The following MBNL1 variants were observed in gnomAD, a reference collection of about 807,000 sequenced individuals.
The protein encoded by MBNL1 is muscleblind like splicing regulator 1.
Under a neutral mutation model 42.2 loss-of-function variants are expected in MBNL1, and 8 were observed. The observed-to-expected ratio is 0.19, with a 90% CI of 0.11 to 0.34. The LOEUF (loss-of-function observed/expected upper bound fraction) is 0.34. Among genes scored for constraint, MBNL1 ranks in the 10% least tolerant of loss-of-function variants. The pLI is 1.00. For synonymous variants in MBNL1, 169 were observed against 173.9 expected (o/e 0.97, Z 0.22); for missense variants, 309 against 495.3 (o/e 0.62, Z 3.57).
chr3:152,310,328 T>G (rs1038235268), intron 2 of MBNL1, among the ~76,000 whole-genome samples: 2 of 152,178 alleles, frequency 1.3e-5, no homozygotes, highest in Non-Finnish European at 2.9e-5. Flanking sequence ...TTATATAAAC[T>G]AAAGAAGCTA....
At chr3:152,297,318 A>T (rs2059007024) in intron 1 of MBNL1, among the ~76,000 whole-genome samples, 1 of 150,080 alleles carries the variant, frequency 6.7e-6, no homozygotes. Context: ...TGAAAACCAA[A>T]ATATTTCTTG....
chr3:152,414,061 C>T (rs956332260), intron 2 of MBNL1, among the ~76,000 whole-genome samples: 1 of 152,096 alleles, frequency 6.6e-6, no homozygotes, highest in South Asian at 2.1e-4. Context: ...GATTACTAAA[C>T]ATGTATGATT....
At position 152,465,146 on chromosome 3, in the gene MBNL1, A is replaced by G. The variant is rs1749827491; in HGVS notation, c.*2780A>G. The G allele has an allele frequency of 6.6e-6, 1 of 152,302 alleles. No homozygotes were observed. The highest frequency in any genetic ancestry group is 6.5e-5 in the Admixed American group (1 of 15,284). The allele number at this position is 152,302 out of a possible 1,614,324, so 9.4% of individuals were successfully genotyped here. A position where few individuals can be genotyped will look rare whatever the true frequency, so the allele number is the denominator to read the frequency against. The stretch of plus-strand genomic sequence containing the variant: ...CAGGTACTTCTACCATTAAGGTGAA[A>G]TCATGGATCAGATATTCCTTACATT... On this transcript the variant is annotated 3_prime_UTR_variant, in exon 10 of 10. Coordinates refer to ENST00000324210, the MANE Select transcript of MBNL1 (RefSeq NM_021038.5).
At chr3:152,340,007 C>T (rs2092696236) in intron 2 of MBNL1, 1 of 152,224 alleles carries the variant, frequency 6.6e-6, no homozygotes, top group Non-Finnish European at 1.5e-5. Context: ...TACCTATAGA[C>T]ACAGAAAGAG....
chr3:152,405,701 T>C (rs1286300080), intron 2 of MBNL1, among the ~76,000 whole-genome samples: 1 of 152,130 alleles, frequency 6.6e-6, no homozygotes, highest in Non-Finnish European at 1.5e-5. Context: ...CTCTAGAAAT[T>C]TAATAGAGAC....
chr3:152,430,698 G>A (rs1163939533), intron 3 of MBNL1, among the ~76,000 whole-genome samples: 2 of 152,196 alleles, frequency 1.3e-5, no homozygotes, highest in African/African-American at 4.8e-5. Context: ...GTGGACAGTG[G>A]CACAGCATTA....
At chr3:152,384,524 C>T (rs75780443) in intron 2 of MBNL1, among the ~76,000 whole-genome samples, 1,723 of 152,060 alleles carry the variant, frequency 0.011, 14 homozygotes, top group Non-Finnish European at 0.015. Context: ...GGTTTAATGA[C>T]AATACTATAG....
At chr3:152,281,568 C>CT (rs1303809320) in intron 1 of MBNL1, among the ~76,000 whole-genome samples, 1 of 152,056 alleles carries the variant, frequency 6.6e-6, no homozygotes, top group Non-Finnish European at 1.5e-5. Context: ...ACCTAATACC[C>CT]TCTGCCCCAG....
At chr3:152,351,600 C>T (rs2094996721) in intron 2 of MBNL1, among the ~76,000 whole-genome samples, 1 of 152,058 alleles carries the variant, frequency 6.6e-6, no homozygotes, top group South Asian at 2.1e-4. Flanking sequence ...TTTTTAAACA[C>T]CTTTTTATGT....
intron 2 of MBNL1, among the ~76,000 whole-genome samples, chr3:152,375,725 G>T (rs1040028230): frequency 1.3e-5 from 2 of 151,970 alleles, no homozygotes; most frequent in Non-Finnish European, 1.5e-5. Context: ...AGTCTGAGGT[G>T]GGGGGATTGC....
chr3:152,343,068 C>T (rs1315437098), intron 2 of MBNL1, among the ~76,000 whole-genome samples: 1 of 152,106 alleles, frequency 6.6e-6, no homozygotes. Flanking sequence ...ATCCATTTAA[C>T]CTCTCTGAAA....
chr3:152,358,888 G>A (rs930249485), intron 2 of MBNL1, among the ~76,000 whole-genome samples: 2 of 152,122 alleles, frequency 1.3e-5, no homozygotes, highest in Admixed American at 6.6e-5. Flanking sequence ...GGAATTACAG[G>A]TATGAGCCAC....
chr3:152,336,663 A>G (rs1260467392), intron 2 of MBNL1, among the ~76,000 whole-genome samples: 1 of 152,216 alleles, frequency 6.6e-6, no homozygotes, highest in African/African-American at 2.4e-5. Flanking sequence ...TCATTTTATA[A>G]CAATGTCTAA....
chr3:152,443,061 C>T (rs753560028), intron 4 of MBNL1, among the ~76,000 whole-genome samples: 19 of 152,012 alleles, frequency 1.2e-4, no homozygotes, highest in Non-Finnish European at 2.6e-4. Context: ...TTTTATGACA[C>T]ATTCTGAGCT....
At chr3:152,313,811 C>G (rs975647682) in intron 2 of MBNL1, among the ~76,000 whole-genome samples, 2 of 152,084 alleles carry the variant, frequency 1.3e-5, no homozygotes, top group African/African-American at 4.8e-5. Flanking sequence ...AGAAAATAAC[C>G]CCTTAACCTC....
chr3:152,274,383 CAAAA>C (rs1306780362), intron 1 of MBNL1, among the ~76,000 whole-genome samples: 4 of 151,732 alleles, frequency 2.6e-5, no homozygotes, highest in Non-Finnish European at 4.4e-5. Flanking sequence ...ACGTTGTCCT[CAAAA>C]AAATAAGAAT....
intron 1 of MBNL1, among the ~76,000 whole-genome samples, chr3:152,284,417 A>G (rs1036533365): frequency 6.6e-6 from 1 of 152,120 alleles, no homozygotes; most frequent in African/African-American, 2.4e-5. Context: ...AAAGTAACCA[A>G]TATTAATAGA....
rs116761788 is a variant in MBNL1 at position 152,281,884 on chromosome 3, C to G, written c.-790+12792C>G. ...ATTGAAAATTTAATAGCTCTACATTCACTTGGAGATTTCCGATAAACTTTT... is the reference window on the plus strand; with the variant it reads ...ATTGAAAATTTAATAGCTCTACATTGACTTGGAGATTTCCGATAAACTTTT... On this transcript the variant is annotated intron_variant, in intron 1 of 9. Transcript: ENST00000324210. 5.7e-3 allele frequency among the ~76,000 whole-genome samples: 866 copies of G among 152,200 alleles called. 9 individuals carry two copies. The highest frequency in any genetic ancestry group is 0.02 in the African/African-American group (837 of 41,510).
At chr3:152,419,391 G>A (rs977350260) in intron 3 of MBNL1, among the ~76,000 whole-genome samples, 1 of 152,110 alleles carries the variant, frequency 6.6e-6, no homozygotes, top group African/African-American at 2.4e-5. Context: ...CATCTCACTG[G>A]GACTGGTTAG....
Sources: allele counts gnomAD v4.1 joint callset (sites outside exome capture counted in the v4.1 genomes callset), GRCh38; gene constraint gnomAD v4.1.1; transcripts MANE v1.5; gene names NCBI Gene and HGNC (gene_info 2026-07-23, HGNC 2026-07-21).